GZMK: variants seen among roughly 807,000 people sequenced by gnomAD.
GZMK encodes the protein granzyme K.
GZMK carries 18 observed loss-of-function variants against 22.8 expected under a neutral mutation model. The ratio of observed to expected loss-of-function variants is 0.79; its 90% confidence interval spans 0.54 to 1.17. GZMK has a LOEUF of 1.17. GZMK is among the 50% of genes most tolerant of loss of function. The pLI is 0.00. For synonymous variants in GZMK, 136 were observed against 115.0 expected (o/e 1.18, Z -1.17); for missense variants, 342 against 320.2 (o/e 1.07, Z -0.52).
chr5:55,024,466 T>A (rs1239810376), intron 1 of GZMK, 80 bp downstream of exon 1: 10 of 827,212 alleles, frequency 1.2e-5, no homozygotes, highest in Non-Finnish European at 2.0e-5. Flanking sequence ...TGAAAATTAT[T>A]TTCACAATCA....
chr5:55,024,415 C>A (rs746276892), intron 1 of GZMK, 29 bp downstream of exon 1: 4 of 1,024,742 alleles, frequency 3.9e-6, no homozygotes, highest in Non-Finnish European at 4.6e-6. Context: ...TACATGTAAA[C>A]ATTAAATGAA....
chr5:55,026,216 CT>C (rs2111607097), intron 2 of GZMK, among the ~76,000 whole-genome samples: 1 of 152,206 alleles, frequency 6.6e-6, no homozygotes, highest in Admixed American at 6.5e-5. Context: ...TTCTTTCTTT[CT>C]TTCTTTGGCT....
chr5:55,024,859 G>T, intron 2 of GZMK, 52 bp downstream of exon 2: 1 of 1,263,710 alleles, frequency 7.9e-7, no homozygotes, highest in East Asian at 2.4e-5. Context: ...AGTTATTATA[G>T]GTACAAGAGA....
chr5:55,032,908 A>AG (rs1443958212), intron 4 of GZMK, among the ~76,000 whole-genome samples: 1 of 152,240 alleles, frequency 6.6e-6, no homozygotes, highest in Non-Finnish European at 1.5e-5. Flanking sequence ...ATTAAGTATA[A>AG]TTGGGGGAGA....
At chr5:55,031,777 A>C in intron 4 of GZMK, 144 bp downstream of exon 4, 1 of 642,986 alleles carries the variant, frequency 1.6e-6, no homozygotes, top group Non-Finnish European at 2.6e-6. Context: ...CCTGCACAGC[A>C]TTCTCTATTC....
At position 55,034,156 on chromosome 5, in the gene GZMK, A is replaced by C; in HGVS notation, c.*230A>C. The C allele has an allele frequency of 2.1e-6, 1 of 465,480 alleles. No homozygotes were observed. The highest frequency in any genetic ancestry group is 3.7e-5 in the East Asian group (1 of 27,130). 28.8% of individuals were successfully genotyped at this position (465,480 alleles called of 1,614,324 possible). A position where few individuals can be genotyped will look rare whatever the true frequency, so the allele number is the denominator to read the frequency against. The stretch of plus-strand genomic sequence containing the variant: ...TCTCTGTTTGTCTTTTATCACATGA[A>C]GTAATATCTGCCCCCATTGCACCCA... On this transcript the variant is annotated 3_prime_UTR_variant, in exon 5 of 5. Transcript: ENST00000231009.
At chr5:55,030,642 A>T in intron 3 of GZMK, 58 bp downstream of exon 3, 1 of 1,319,240 alleles carries the variant, frequency 7.6e-7, no homozygotes, top group Non-Finnish European at 1.1e-6. Context: ...AGGATGGCTC[A>T]ATTAGTTAAA....
At chr5:55,030,233 G>A (rs1580300080) in intron 2 of GZMK, 1 of 495,032 alleles carries the variant, frequency 2.0e-6, no homozygotes, top group Non-Finnish European at 3.5e-6. Flanking sequence ...TTTAGGGTGG[G>A]ATTAAGGGCA....
intron 2 of GZMK, chr5:55,025,670 T>C (rs1741132029): frequency 6.6e-6 from 1 of 152,250 alleles, no homozygotes; most frequent in African/African-American, 2.4e-5. Flanking sequence ...TCCTTATGTT[T>C]CTTACCTAAT....
chr5:55,033,728 C>T (rs1294454735), intron 4 of GZMK, 37 bp from the exon 5 acceptor site: 2 of 1,552,254 alleles, frequency 1.3e-6, no homozygotes, highest in Admixed American at 2.1e-5. Context: ...ATCCCAACAG[C>T]TTCTTACCAC....
chr5:55,024,645 G>A lies in GZMK; in HGVS notation c.65-15G>A, dbSNP rs760592354. ...TTAGATCTTTTGTGTGAAACCTTTT[G>A]GTCTACTTTTGTAGGTTTCAATATG... On this transcript the variant is annotated splice_polypyrimidine_tract_variant and intron_variant, in intron 1 of 4. Transcript: ENST00000231009. The A allele has an allele frequency of 1.9e-6, 3 of 1,570,044 alleles. No homozygotes were observed. Among genetic ancestry groups the A allele is most frequent in the Non-Finnish European group, 1.7e-6 (2 of 1,145,166 alleles).
At chr5:55,028,802 C>G (rs1313605945) in intron 2 of GZMK, among the ~76,000 whole-genome samples, 1 of 152,192 alleles carries the variant, frequency 6.6e-6, no homozygotes, top group African/African-American at 2.4e-5. Flanking sequence ...AATGGCTCTA[C>G]GGTTCTGCCA....
chr5:55,033,210 T>C (rs965572787), intron 4 of GZMK, among the ~76,000 whole-genome samples: 1 of 152,200 alleles, frequency 6.6e-6, no homozygotes, highest in Admixed American at 6.5e-5. Flanking sequence ...ATGGTACATA[T>C]ACATAACACT....
At chr5:55,033,499 TG>T in intron 4 of GZMK, among the ~76,000 whole-genome samples, 1 of 152,142 alleles carries the variant, frequency 6.6e-6, no homozygotes, top group Non-Finnish European at 1.5e-5. Context: ...GATATAGACA[TG>T]GACACTGAGA....
In GZMK at chr5:55,024,720, C is replaced by A; in HGVS notation, c.125C>A (p.Ala42Asp). Residue 42 changes from alanine to aspartate, a missense_variant, in exon 2 of 5, where the codon GCC becomes GAC. Ala to Asp is a moderately radical substitution (Grantham distance 126). Transcript: ENST00000231009. The part of the protein sequence containing the change: ...EVSPHSRPFM[A>D]SIQYGGHHVC... ...TCACCTCATTCCAGGCCATTTATGG[C>A]CTCCATCCAGTATGGCGGACATCAC... 2 of 1,608,038 alleles carry A rather than the reference C, an allele frequency of 1.2e-6. No homozygotes were observed. Among genetic ancestry groups the A allele is most frequent in the East Asian group, 2.2e-5 (1 of 44,854 alleles).
chr5:55,033,769 A>C lies in GZMK; in HGVS notation c.638A>C (p.Asp213Ala), dbSNP rs143967846. Residue 213 changes from aspartate to alanine, a missense_variant, in exon 5 of 5, where the codon GAC becomes GCC. Coordinates refer to ENST00000231009, the MANE Select transcript of GZMK (RefSeq NM_002104.3). Reference protein sequence around the residue: ...AKGQKDSCKGDSGGPLICKGV... With the variant: ...AKGQKDSCKGASGGPLICKGV... The stretch of plus-strand genomic sequence containing the variant: ...TGCCCTTTTTCTTCCTTCCAGGGTG[A>C]CTCAGGGGGCCCCTTGATCTGTAAA... 2.2e-4 allele frequency: 346 copies of C among 1,595,584 alleles called. No homozygotes were observed. The African/African-American group carries it at 4.5e-3, about 21-fold the overall frequency.
rs1402227255 is a variant in GZMK at position 55,031,577 on chromosome 5, A to G, written c.577A>G (p.Ile193Val). The G allele has an allele frequency of 6.2e-7, 1 of 1,613,978 alleles. No homozygotes were observed. ...AAGTTACTACAACGGCGACCCTTTT[A>G]TCACCAAAGACATGGTCTGTGCAGG... is the stretch of plus-strand genomic sequence containing the variant. ...SQSYYNGDPFITKDMVCAGDA... is the reference protein window; with the variant it reads ...SQSYYNGDPFVTKDMVCAGDA... The change falls in exon 4 of 5, where the codon ATC becomes GTC. Residue 193 changes from isoleucine (I) to valine (V), a missense_variant. Physicochemically the swap from Ile to Val is conservative, Grantham distance 29 (BLOSUM62 3). Coordinates refer to ENST00000231009, the MANE Select transcript of GZMK (RefSeq NM_002104.3).
intron 2 of GZMK, among the ~76,000 whole-genome samples, chr5:55,030,015 T>C (rs1741195706): frequency 6.6e-6 from 1 of 152,236 alleles, no homozygotes; most frequent in Non-Finnish European, 1.5e-5. Flanking sequence ...CTTATACCAT[T>C]ATGTATACTT....
In GZMK at chr5:55,034,543, C is replaced by T. The variant is rs1453171155; in HGVS notation, c.*617C>T. ...AAATATAAATCATAAATATAAATATCCTAATTCAAGCAAGCAGCTTATACA... is the reference window on the plus strand; with the variant it reads ...AAATATAAATCATAAATATAAATATTCTAATTCAAGCAAGCAGCTTATACA... On this transcript the variant is annotated 3_prime_UTR_variant, in exon 5 of 5. Transcript: ENST00000231009. 6.6e-6 allele frequency: 1 copy of T among 152,118 alleles called. No homozygotes were observed. Among genetic ancestry groups the T allele is most frequent in the African/African-American group, 2.4e-5 (1 of 41,398 alleles). 9.4% of individuals were successfully genotyped at this position (152,118 alleles called of 1,614,324 possible).
Sources: allele counts gnomAD v4.1 joint callset (sites outside exome capture counted in the v4.1 genomes callset), GRCh38; gene constraint gnomAD v4.1.1; transcripts MANE v1.5; gene names NCBI Gene and HGNC (gene_info 2026-07-23, HGNC 2026-07-21).